The following KIF26B variants were observed in gnomAD, a reference collection of about 807,000 sequenced individuals.
KIF26B encodes kinesin-like protein KIF26B.
KIF26B carries 63 observed loss-of-function variants against 151.2 expected under a neutral mutation model. The ratio of observed to expected loss-of-function variants is 0.42; its 90% CI spans 0.34 to 0.51. The LOEUF (loss-of-function observed/expected upper bound fraction) is 0.51. KIF26B is among the 20% of genes least tolerant of loss of function. The pLI is 0.07. For synonymous variants in KIF26B, 1,357 were observed against 1,262.1 expected (o/e 1.08, Z -1.59); for missense variants, 2,813 against 2,913.6 (o/e 0.97, Z 0.79).
At chr1:245,385,730 A>G (rs187445719) in intron 3 of KIF26B, among the ~76,000 whole-genome samples, 12 of 152,338 alleles carry the variant, frequency 7.9e-5, no homozygotes, top group Non-Finnish European at 2.9e-5. Context: ...TAGTTAGGCG[A>G]CGTGAAGCCA....
chr1:245,653,113 G>A (rs1432408134), intron 10 of KIF26B, among the ~76,000 whole-genome samples: 7 of 152,142 alleles, frequency 4.6e-5, no homozygotes, highest in Admixed American at 1.3e-4. Context: ...CCAACCCCAC[G>A]GCCTCAGTGG....
intron 2 of KIF26B, among the ~76,000 whole-genome samples, chr1:245,332,626 G>A (rs1204871902): frequency 2.0e-5 from 3 of 152,048 alleles, no homozygotes; most frequent in Non-Finnish European, 4.4e-5. Flanking sequence ...CATGTTGTGA[G>A]TCGTCTCCTG....
At chr1:245,261,188 CAG>C (rs1429140553) in intron 2 of KIF26B, among the ~76,000 whole-genome samples, 1 of 151,588 alleles carries the variant, frequency 6.6e-6, no homozygotes, top group Non-Finnish European at 1.5e-5. Flanking sequence ...TCTTGTTGCC[CAG>C]GCTGGAGTGC....
At chr1:245,478,447 A>ATTTTTTTT (rs1660089059) in intron 4 of KIF26B, among the ~76,000 whole-genome samples, 1 of 14,480 alleles carries the variant, frequency 6.9e-5, no homozygotes, top group Admixed American at 5.8e-4. Context: ...TTTTTTTTTG[A>ATTTTTTTT]GACGGAGTCT....
intron 10 of KIF26B, among the ~76,000 whole-genome samples, chr1:245,658,443 G>A (rs114909607): frequency 0.02 from 2,985 of 152,256 alleles, 102 homozygotes; most frequent in African/African-American, 0.067. Context: ...CCGTCACCCA[G>A]ACTGGAACGC....
At chr1:245,523,581 A>G (rs1192282772) in intron 4 of KIF26B, among the ~76,000 whole-genome samples, 1 of 152,214 alleles carries the variant, frequency 6.6e-6, no homozygotes, top group African/African-American at 2.4e-5. Context: ...GTAAGGGCCC[A>G]CTCTGGTTCA....
At position 245,572,489 on chromosome 1, in the gene KIF26B, G is replaced by A. The variant is rs867046343; in HGVS notation, c.1351-30088G>A. On this transcript the variant is annotated intron_variant, in intron 5 of 14. Coordinates refer to ENST00000407071, the MANE Select transcript of KIF26B (RefSeq NM_018012.4). This position sits in a 1 kb window ranked among gnomAD's most constrained non-coding sequence, Gnocchi z 4.2. ...CCCATTTTCAGGCACGGTATCCTGC[G>A]CTGCTAGCACCGTAGCCATCACTGA... is the stretch of plus-strand genomic sequence containing the variant. Among the ~76,000 whole-genome samples, 6 of 152,104 alleles carry A rather than the reference G, an allele frequency of 3.9e-5. No homozygotes were observed. Among genetic ancestry groups the A allele is most frequent in the Admixed American group, 2.0e-4 (3 of 15,270 alleles).
At chr1:245,224,289 GAA>G (rs56263815) in intron 2 of KIF26B, among the ~76,000 whole-genome samples, 53 of 147,860 alleles carry the variant, frequency 3.6e-4, no homozygotes, top group East Asian at 7.9e-4. Flanking sequence ...CCGTCTCAAA[GAA>G]AAAAAAAAAA....
intron 2 of KIF26B, among the ~76,000 whole-genome samples, chr1:245,164,615 A>G (rs547431077): frequency 8.5e-5 from 13 of 152,330 alleles, no homozygotes; most frequent in African/African-American, 2.9e-4. Context: ...GAAGTCGCAC[A>G]TGGTCACCAT....
intron 5 of KIF26B, among the ~76,000 whole-genome samples, chr1:245,555,774 G>A (rs1185253978): frequency 6.6e-6 from 1 of 152,196 alleles, no homozygotes; most frequent in Non-Finnish European, 1.5e-5. Flanking sequence ...CCCAGTGCCA[G>A]GGAGGAGGGG....
At chr1:245,588,891 C>T (rs764530887) in intron 5 of KIF26B, among the ~76,000 whole-genome samples, 6 of 152,116 alleles carry the variant, frequency 3.9e-5, no homozygotes, top group South Asian at 2.1e-4. Context: ...AGTTACTGGA[C>T]GTTCTTGCTC....
chr1:245,669,424 G>A (rs1054293661), intron 10 of KIF26B, among the ~76,000 whole-genome samples: 1 of 152,154 alleles, frequency 6.6e-6, no homozygotes, highest in African/African-American at 2.4e-5. Context: ...GAAAATATTT[G>A]TAAATCATAT....
rs1306235996 is a variant in KIF26B, at chr1:245,687,170, G to A, written c.4187G>A (p.Cys1396Tyr). 6.2e-7 allele frequency: 1 copy of A among 1,612,942 alleles called. No individual in the cohort carries two copies. The highest frequency in any genetic ancestry group is 8.5e-7 in the Non-Finnish European group (1 of 1,179,684). Reference protein sequence around the residue: ...PMKTNITVYPCIAMSPRNIQE... With the variant: ...PMKTNITVYPYIAMSPRNIQE... ...AAGACCAATATCACAGTTTACCCCT[G>A]CATTGCCATGAGCCCCCGGAACATC... Residue 1396 changes from cysteine to tyrosine, a missense_variant, in exon 12 of 15, where the codon TGC becomes TAC. Physicochemically the swap from Cys to Tyr is radical, Grantham distance 194. Coordinates refer to ENST00000407071, the MANE Select transcript of KIF26B (RefSeq NM_018012.4). The surrounding 1 kb of genome is among the most constrained non-coding windows in gnomAD (Gnocchi z 4.9).
Position 245,187,013 on chromosome 1 carries a change from C to T in KIF26B, c.465+30330C>T, listed in dbSNP as rs140040018. On this transcript the variant is annotated intron_variant, in intron 2 of 14. Transcript: ENST00000407071. ...CTGGGACTACAGGCGCGCACCACCACGCTCAGCTAATTTTTGTATTTTTAG... is the reference window on the plus strand; with the variant it reads ...CTGGGACTACAGGCGCGCACCACCATGCTCAGCTAATTTTTGTATTTTTAG... 5.7e-3 allele frequency among the ~76,000 whole-genome samples: 865 copies of T among 152,094 alleles called. 11 individuals are homozygous for T. The highest frequency in any genetic ancestry group is 0.035 in the East Asian group (181 of 5,152).
intron 10 of KIF26B, among the ~76,000 whole-genome samples, chr1:245,681,816 AT>A (rs2044443321): frequency 1.3e-5 from 2 of 152,254 alleles, no homozygotes; most frequent in African/African-American, 4.8e-5. Context: ...GAAATACCAA[AT>A]ATAATTCATT....
rs556106075 is a variant in KIF26B, at chr1:245,338,568, G to A, written c.466-28266G>A. On this transcript the variant is annotated intron_variant, in intron 2 of 14. Transcript: ENST00000407071. ...ATTACCAAGTGATCCATATACACGA[G>A]TGTGAACACATACGCATTTCTGTGT... Among the ~76,000 whole-genome samples the A allele has an allele frequency of 2.0e-5, 3 of 152,332 alleles. No homozygotes were observed. The East Asian group carries it at 5.8e-4, about 29-fold the overall frequency.
intron 10 of KIF26B, among the ~76,000 whole-genome samples, chr1:245,661,554 A>G (rs1343046328): frequency 6.6e-6 from 1 of 151,174 alleles, no homozygotes; most frequent in Non-Finnish European, 1.5e-5. Context: ...ATGTATATAC[A>G]CCCAATGTTA....
intron 4 of KIF26B, among the ~76,000 whole-genome samples, chr1:245,455,023 G>A (rs974830521): frequency 6.6e-6 from 1 of 152,118 alleles, no homozygotes; most frequent in South Asian, 2.1e-4. Flanking sequence ...CCTAAAAATT[G>A]AATACTTGTT....
chr1:245,170,323 T>C lies in KIF26B; in HGVS notation c.465+13640T>C, dbSNP rs1480975383. 6.6e-6 allele frequency among the ~76,000 whole-genome samples: 1 copy of C among 152,224 alleles called. No individual in the cohort carries two copies. The highest frequency in any genetic ancestry group is 6.5e-5 in the Admixed American group (1 of 15,286). ...GCTGGTTTGAGGGTCCTTGCATTTC[T>C]TGTCAGTCAATACGTCCTTGTTTTG... On this transcript the variant is annotated intron_variant, in intron 2 of 14. Transcript: ENST00000407071. This position sits in a 1 kb window ranked among gnomAD's most constrained non-coding sequence, Gnocchi z 4.4.
Sources: allele counts gnomAD v4.1 joint callset (sites outside exome capture counted in the v4.1 genomes callset), GRCh38; gene constraint gnomAD v4.1.1; non-coding constraint Gnocchi (gnomAD v3.1); transcripts MANE v1.5; gene names NCBI Gene and HGNC (gene_info 2026-07-23, HGNC 2026-07-21).